GPR139: variants seen among roughly 807,000 people sequenced by gnomAD.
The protein encoded by GPR139 is probable G protein-coupled receptor 139.
A neutral mutation model predicts 25.8 loss-of-function variants in GPR139; 12 were observed. That is an observed-to-expected ratio of 0.47 (90% CI 0.30 to 0.75). The LOEUF is 0.75. Ranked by LOEUF, GPR139 falls within the 30% of genes least tolerant of loss-of-function variation. The pLI is 0.07. For synonymous variants in GPR139, 184 were observed against 179.9 expected (o/e 1.02, Z -0.18); for missense variants, 380 against 450.2 (o/e 0.84, Z 1.41).
At chr16:20,068,256 A>AAAAAAAAAAAG (rs1555467127) in intron 1 of GPR139, among the ~76,000 whole-genome samples, 14 of 137,708 alleles carry the variant, frequency 1.0e-4, no homozygotes, top group African/African-American at 3.3e-4. Context: ...AAAAAAAAAA[A>AAAAAAAAAAAG]AAGAAAGGAG....
At chr16:20,036,210 A>G (rs2057309537) in intron 1 of GPR139, among the ~76,000 whole-genome samples, 1 of 152,176 alleles carries the variant, frequency 6.6e-6, no homozygotes, top group South Asian at 2.1e-4. Context: ...AATCATATAT[A>G]GTCAGAGCTT....
chr16:20,050,042 C>A (rs2057366803), intron 1 of GPR139, among the ~76,000 whole-genome samples: 1 of 152,178 alleles, frequency 6.6e-6, no homozygotes, highest in African/African-American at 2.4e-5. Flanking sequence ...GTCAGTAAAC[C>A]TGAAGAACCA....
chr16:20,036,781 T>C (rs929101949), intron 1 of GPR139, among the ~76,000 whole-genome samples: 1 of 152,220 alleles, frequency 6.6e-6, no homozygotes, highest in East Asian at 1.9e-4. Flanking sequence ...TAAGACTATC[T>C]ACCTCATAGG....
chr16:20,073,430 G>A lies in GPR139; in HGVS notation c.127+60C>T, dbSNP rs1596473341. On this transcript the variant is annotated intron_variant, in intron 1 of 1. Transcript: ENST00000570682. The surrounding 1 kb of genome is among the most constrained non-coding windows in gnomAD (Gnocchi z 4.7). ...GCACGGGGGAGGACGGGGGATTCTG[G>A]GTAGGGTTGCCCGGCACTTGGGGTT... The A allele has an allele frequency of 1.3e-6, 2 of 1,582,458 alleles. No homozygotes were observed. The highest frequency in any genetic ancestry group is 1.4e-5 in the African/African-American group (1 of 73,952).
chr16:20,066,139 A>G (rs2057433305), intron 1 of GPR139, among the ~76,000 whole-genome samples: 1 of 152,228 alleles, frequency 6.6e-6, no homozygotes, highest in African/African-American at 2.4e-5. Context: ...GTTCATTTAC[A>G]TTATCTGACT....
intron 1 of GPR139, among the ~76,000 whole-genome samples, chr16:20,039,127 GT>G (rs1311554812): frequency 6.6e-6 from 1 of 152,188 alleles, no homozygotes; most frequent in Non-Finnish European, 1.5e-5. Flanking sequence ...AAAAGCCCAT[GT>G]TTTGTGACTG....
intron 1 of GPR139, among the ~76,000 whole-genome samples, chr16:20,065,377 G>A (rs192197019): frequency 6.6e-6 from 1 of 152,096 alleles, no homozygotes; most frequent in Non-Finnish European, 1.5e-5. Flanking sequence ...TCCTGTTGTG[G>A]TCACTCCCAC....
chr16:20,036,598 C>T (rs1455955152), intron 1 of GPR139, among the ~76,000 whole-genome samples: 2 of 152,148 alleles, frequency 1.3e-5, no homozygotes, highest in East Asian at 3.8e-4. Flanking sequence ...CTTTATAAAA[C>T]CATCAGATCT....
At chr16:20,057,015 T>A (rs1474751276) in intron 1 of GPR139, among the ~76,000 whole-genome samples, 3 of 152,172 alleles carry the variant, frequency 2.0e-5, no homozygotes, top group Non-Finnish European at 4.4e-5. Context: ...CGGGAGAATC[T>A]TCAATCAGGA....
chr16:20,032,697 C>A, intron 1 of GPR139, 28 bp from the exon 2 acceptor site: 2 of 1,558,154 alleles, frequency 1.3e-6, no homozygotes, highest in South Asian at 1.2e-5. Flanking sequence ...ACTGGTTTAG[C>A]TCTGAAGCAA....
chr16:20,065,933 T>A (rs1031054295), intron 1 of GPR139, among the ~76,000 whole-genome samples: 1 of 151,968 alleles, frequency 6.6e-6, no homozygotes, highest in Admixed American at 6.5e-5. Flanking sequence ...TTTTGAAGAA[T>A]GCTTAGTACA....
intron 1 of GPR139, among the ~76,000 whole-genome samples, chr16:20,050,797 C>T (rs1254445573): frequency 1.3e-5 from 2 of 152,174 alleles, no homozygotes. Flanking sequence ...TGCAGTGGCT[C>T]ATGCCTGTAA....
chr16:20,035,583 T>C (rs2057307183), intron 1 of GPR139, among the ~76,000 whole-genome samples: 1 of 152,198 alleles, frequency 6.6e-6, no homozygotes, highest in Admixed American at 6.5e-5. Flanking sequence ...AAGAAAAACA[T>C]CAGCTGAAGA....
intron 1 of GPR139, among the ~76,000 whole-genome samples, chr16:20,064,172 G>A (rs1178257214): frequency 6.6e-6 from 1 of 152,180 alleles, no homozygotes; most frequent in Non-Finnish European, 1.5e-5. Context: ...AGATTTGGAT[G>A]GGGACACAAA....
In GPR139 at chr16:20,029,488, T is replaced by TAAAC. The variant is rs2057279485; in HGVS notation, c.*2246_*2247insGTTT. 1.4e-5 allele frequency among the ~76,000 whole-genome samples: 1 copy of TAAAC among 70,884 alleles called. No homozygotes were observed. The highest frequency in any genetic ancestry group is 3.9e-5 in the Non-Finnish European group (1 of 25,418). The allele number at this position is 70,884 out of a possible 152,430, so 46.5% of individuals were successfully genotyped here. ...TGTTTAAAAAATAAATAAATAAATA[T>TAAAC]ATATATATATATATATTCAGTATAG... On this transcript the variant is annotated 3_prime_UTR_variant, in exon 2 of 2. Transcript: ENST00000570682.
chr16:20,038,064 G>T (rs2057316477), intron 1 of GPR139, among the ~76,000 whole-genome samples: 1 of 151,102 alleles, frequency 6.6e-6, no homozygotes, highest in Non-Finnish European at 1.5e-5. Context: ...GTTTCACCAT[G>T]TTGGCCAGGC....
intron 1 of GPR139, among the ~76,000 whole-genome samples, chr16:20,066,053 A>G (rs1162873030): frequency 6.6e-6 from 1 of 152,210 alleles, no homozygotes; most frequent in Non-Finnish European, 1.5e-5. Context: ...GAGGAGAGCC[A>G]CAGCCTTTCA....
At chr16:20,066,777 C>T (rs571720203) in intron 1 of GPR139, among the ~76,000 whole-genome samples, 17 of 152,320 alleles carry the variant, frequency 1.1e-4, no homozygotes, top group Admixed American at 5.2e-4. Context: ...AGAGTGAACA[C>T]GTGCCGAGAA....
intron 1 of GPR139, among the ~76,000 whole-genome samples, chr16:20,045,945 T>G (rs931594696): frequency 6.6e-6 from 1 of 152,128 alleles, no homozygotes; most frequent in Non-Finnish European, 1.5e-5. Context: ...GGTTATTGGG[T>G]GCGAGGGGAC....
Sources: allele counts gnomAD v4.1 joint callset (sites outside exome capture counted in the v4.1 genomes callset), GRCh38; gene constraint gnomAD v4.1.1; non-coding constraint Gnocchi (gnomAD v3.1); transcripts MANE v1.5; gene names NCBI Gene and HGNC (gene_info 2026-07-23, HGNC 2026-07-21).